The following CTNNA3 variants were observed in gnomAD, a reference collection of about 807,000 sequenced individuals.
CTNNA3 encodes catenin alpha-3.
A neutral mutation model predicts 95.7 loss-of-function variants in CTNNA3; 76 were observed. The observed-to-expected ratio is 0.79, with a 90% CI of 0.66 to 0.96. The LOEUF (loss-of-function observed/expected upper bound fraction) is 0.96. Ranked by LOEUF, CTNNA3 falls within the 40% of genes least tolerant of loss-of-function variation. The pLI is 0.00. For synonymous variants in CTNNA3, 431 were observed against 374.4 expected (o/e 1.15, Z -1.74); for missense variants, 1,191 against 1,089.8 (o/e 1.09, Z -1.31).
chr10:66,542,219 CATT>C (rs1841879462), intron 10 of CTNNA3, among the ~76,000 whole-genome samples: 1 of 152,052 alleles, frequency 6.6e-6, no homozygotes, highest in Admixed American at 6.6e-5. Flanking sequence ...GAATGGCAAT[CATT>C]AAAAAATCAG....
chr10:67,176,950 C>T (rs1448741580), intron 7 of CTNNA3: 1 of 506,666 alleles, frequency 2.0e-6, no homozygotes, highest in African/African-American at 1.9e-5. Context: ...GATTTTTACT[C>T]CAGTGAGGCC....
chr10:66,400,393 T>G (rs1156245226), intron 11 of CTNNA3, among the ~76,000 whole-genome samples: 3 of 152,054 alleles, frequency 2.0e-5, no homozygotes, highest in African/African-American at 7.2e-5. Flanking sequence ...CCCCAGTGGA[T>G]AGCTTTGAAG....
intron 5 of CTNNA3, among the ~76,000 whole-genome samples, chr10:67,234,693 T>C (rs1481238156): frequency 2.0e-5 from 3 of 151,904 alleles, no homozygotes; most frequent in African/African-American, 7.3e-5. Context: ...AAATAAAGGG[T>C]ATTCAATTAA....
At chr10:67,587,200 T>TGTGTGG (rs1345555075) in intron 3 of CTNNA3, among the ~76,000 whole-genome samples, 1 of 129,696 alleles carries the variant, frequency 7.7e-6, no homozygotes, top group Non-Finnish European at 1.7e-5. Flanking sequence ...AACTTGTGTG[T>TGTGTGG]GTGTGTGTGT....
At chr10:67,377,632 TA>T (rs10708075) in intron 5 of CTNNA3, among the ~76,000 whole-genome samples, 125,962 of 151,696 alleles carry the variant, frequency 0.83, 53,494 homozygotes, top group Non-Finnish European at 0.92. Flanking sequence ...GAGCTTATTT[TA>T]AAAAAAATTT....
chr10:66,069,870 C>A (rs1050731200), intron 14 of CTNNA3, among the ~76,000 whole-genome samples: 1 of 152,020 alleles, frequency 6.6e-6, no homozygotes, highest in African/African-American at 2.4e-5. Flanking sequence ...GGATGTATAA[C>A]ATAATTTAAC....
At chr10:67,755,491 C>T (rs1213898916) in intron 1 of CTNNA3, among the ~76,000 whole-genome samples, 1 of 151,996 alleles carries the variant, frequency 6.6e-6, no homozygotes, top group Admixed American at 6.6e-5. Flanking sequence ...AATTCCACTA[C>T]TGGGTATATA....
chr10:66,193,373 G>A (rs1218569014), intron 13 of CTNNA3, among the ~76,000 whole-genome samples: 1 of 152,102 alleles, frequency 6.6e-6, no homozygotes, highest in Non-Finnish European at 1.5e-5. Context: ...TGGATAGTCT[G>A]TTTCAACAGG....
intron 12 of CTNNA3, among the ~76,000 whole-genome samples, chr10:66,346,262 GAGAGAGAGAGAGAGAGAGAGAGAGAA>G (rs1463200047): frequency 1.6e-3 from 156 of 95,664 alleles, no homozygotes; most frequent in African/African-American, 5.9e-3. Context: ...GAGAGAGAGA[GAGAGAGAGAGAGAGAGAGAGAGAGAA>G]AGAGAGACAG....
At chr10:66,881,266 C>A (rs1844842781) in intron 7 of CTNNA3, among the ~76,000 whole-genome samples, 1 of 152,132 alleles carries the variant, frequency 6.6e-6, no homozygotes, top group Non-Finnish European at 1.5e-5. Flanking sequence ...GCCAAATAAT[C>A]TGAGTTAAAT....
chr10:66,692,242 A>C (rs1317222274), intron 9 of CTNNA3, among the ~76,000 whole-genome samples: 3 of 152,302 alleles, frequency 2.0e-5, no homozygotes, highest in Non-Finnish European at 1.5e-5. Context: ...GTATAACCAC[A>C]AGAACCAATA....
At chr10:67,725,915 T>C (rs1841208540) in intron 1 of CTNNA3, among the ~76,000 whole-genome samples, 2 of 118,796 alleles carry the variant, frequency 1.7e-5, no homozygotes, top group Admixed American at 1.8e-4. Flanking sequence ...TTATATATTG[T>C]ACATAATATA....
intron 1 of CTNNA3, among the ~76,000 whole-genome samples, chr10:67,731,646 CAA>C (rs1352640818): frequency 6.6e-6 from 1 of 151,492 alleles, no homozygotes; most frequent in Admixed American, 6.6e-5. Flanking sequence ...ACTAAAAATA[CAA>C]AAAGTTAGCC....
intron 1 of CTNNA3, among the ~76,000 whole-genome samples, chr10:67,761,723 A>G (rs1040082015): frequency 6.6e-6 from 1 of 151,994 alleles, no homozygotes; most frequent in African/African-American, 2.4e-5. Context: ...CCAAAAATAC[A>G]AAAAATTACC....
At chr10:66,652,259 T>C (rs1414759665) in intron 9 of CTNNA3, among the ~76,000 whole-genome samples, 3 of 151,676 alleles carry the variant, frequency 2.0e-5, no homozygotes, top group Admixed American at 2.0e-4. Flanking sequence ...AATCTTTAAG[T>C]AGACTAATAA....
At chr10:67,210,354 T>C (rs1049940827) in intron 6 of CTNNA3, among the ~76,000 whole-genome samples, 7 of 152,078 alleles carry the variant, frequency 4.6e-5, no homozygotes, top group Admixed American at 4.6e-4. Flanking sequence ...AATTAAATAG[T>C]AGTCTTAATT....
chr10:66,229,864 T>C (rs1340349231), intron 13 of CTNNA3, among the ~76,000 whole-genome samples: 1 of 152,114 alleles, frequency 6.6e-6, no homozygotes, highest in Non-Finnish European at 1.5e-5. Flanking sequence ...ACTATGTATT[T>C]GCTTAATAAT....
At chr10:66,691,434 C>A (rs1355995974) in intron 9 of CTNNA3, among the ~76,000 whole-genome samples, 1 of 152,152 alleles carries the variant, frequency 6.6e-6, no homozygotes, top group South Asian at 2.1e-4. Flanking sequence ...CCCAGGCTTG[C>A]TTAGGTAAAC....
chr10:67,105,396 A>T (rs990853445), intron 7 of CTNNA3, among the ~76,000 whole-genome samples: 2 of 152,270 alleles, frequency 1.3e-5, no homozygotes, highest in Admixed American at 1.3e-4. Flanking sequence ...TCCAAGGTCA[A>T]ATTTGAAATA....
Sources: gnomAD v4.1 joint callset for allele counts (sites outside exome capture counted in the v4.1 genomes callset) on GRCh38, gnomAD v4.1.1 for gene constraint, MANE v1.5 for transcripts, NCBI Gene and HGNC (gene_info 2026-07-23, HGNC 2026-07-21) for gene names.